ZMAT4: variants seen among roughly 807,000 people sequenced by gnomAD.
The protein encoded by ZMAT4 is zinc finger matrin-type 4.
Under a neutral mutation model 28.7 loss-of-function variants are expected in ZMAT4, and 17 were observed. The observed-to-expected ratio is 0.59, with a 90% confidence interval of 0.41 to 0.89. ZMAT4 has a LOEUF of 0.89. ZMAT4 is among the 40% of genes least tolerant of loss of function. ZMAT4 has a pLI of 0.00. For synonymous variants in ZMAT4, 117 were observed against 109.2 expected, an observed-to-expected ratio of 1.07 and a Z score of -0.44; for missense variants, 240 against 283.8, an observed-to-expected ratio of 0.85 and a Z score of 1.11.
At chr8:40,707,723 T>C (rs1810424905) in intron 3 of ZMAT4, among the ~76,000 whole-genome samples, 1 of 152,222 alleles carries the variant, frequency 6.6e-6, no homozygotes, top group Non-Finnish European at 1.5e-5. Flanking sequence ...ACATATTATC[T>C]CATTTCATTT....
intron 1 of ZMAT4, among the ~76,000 whole-genome samples, chr8:40,847,022 C>A (rs1395649609): frequency 6.6e-6 from 1 of 152,050 alleles, no homozygotes; most frequent in Non-Finnish European, 1.5e-5. Context: ...GCCTAGCCAA[C>A]ATGGTGAAAT....
chr8:40,881,433 G>GAGAAAGAAAGAAAGAAAGAAAGAA (rs35018481), intron 1 of ZMAT4, among the ~76,000 whole-genome samples: 76 of 70,316 alleles, frequency 1.1e-3, no homozygotes, highest in South Asian at 1.4e-3. Context: ...AGAAGAAAGA[G>GAGAAAGAAAGAAAGAAAGAAAGAA]AGAAAGAAAG....
chr8:40,538,580 A>T (rs1438300182), intron 6 of ZMAT4, among the ~76,000 whole-genome samples: 1 of 152,100 alleles, frequency 6.6e-6, no homozygotes, highest in East Asian at 1.9e-4. Flanking sequence ...CGACGACAAC[A>T]TATTAGCCTC....
chr8:40,556,694 T>A (rs1294052799), intron 6 of ZMAT4, among the ~76,000 whole-genome samples: 1 of 152,216 alleles, frequency 6.6e-6, no homozygotes, highest in African/African-American at 2.4e-5. Flanking sequence ...ACATGTAGAA[T>A]ACTTTAATTG....
intron 5 of ZMAT4, among the ~76,000 whole-genome samples, chr8:40,632,701 C>A (rs1312728464): frequency 6.6e-6 from 1 of 152,184 alleles, no homozygotes; most frequent in Non-Finnish European, 1.5e-5. Context: ...CTGCCAACAC[C>A]TGGATTTCTG....
chr8:40,801,528 G>A (rs896723215), intron 2 of ZMAT4, among the ~76,000 whole-genome samples: 3 of 151,536 alleles, frequency 2.0e-5, no homozygotes, highest in African/African-American at 7.3e-5. Context: ...AAATTAACTG[G>A]GTGAGGTGGT....
At chr8:40,850,278 A>G (rs1368601355) in intron 1 of ZMAT4, among the ~76,000 whole-genome samples, 6 of 151,494 alleles carry the variant, frequency 4.0e-5, no homozygotes, top group Admixed American at 2.0e-4. Flanking sequence ...GCCCCACCCA[A>G]TCTGCACCCT....
intron 5 of ZMAT4, among the ~76,000 whole-genome samples, chr8:40,607,860 C>A (rs1805653432): frequency 6.6e-6 from 1 of 152,088 alleles, no homozygotes; most frequent in Non-Finnish European, 1.5e-5. Context: ...GGTGTGTCTG[C>A]AAAGAGTCCT....
intron 5 of ZMAT4, among the ~76,000 whole-genome samples, chr8:40,659,858 G>A (rs566072719): frequency 2.0e-5 from 3 of 152,264 alleles, no homozygotes; most frequent in African/African-American, 7.2e-5. Flanking sequence ...AATCCACTAC[G>A]CTGAACCTTA....
intron 6 of ZMAT4, among the ~76,000 whole-genome samples, chr8:40,535,864 C>T (rs1423195793): frequency 3.3e-5 from 5 of 152,110 alleles, no homozygotes; most frequent in Admixed American, 3.3e-4. Context: ...CATCCTTAGC[C>T]ATGATGAAGC....
chr8:40,691,562 C>T (rs746773617), intron 4 of ZMAT4, among the ~76,000 whole-genome samples: 3 of 152,062 alleles, frequency 2.0e-5, no homozygotes, highest in Non-Finnish European at 2.9e-5. Flanking sequence ...CCAAAAGTGC[C>T]AGGAGAATTA....
intron 2 of ZMAT4, among the ~76,000 whole-genome samples, chr8:40,800,189 G>T (rs1814777695): frequency 6.6e-6 from 1 of 152,164 alleles, no homozygotes; most frequent in Non-Finnish European, 1.5e-5. Flanking sequence ...TCTCCAAGAA[G>T]ACATAACAAT....
chr8:40,537,531 C>T (rs1802885409), intron 6 of ZMAT4, among the ~76,000 whole-genome samples: 1 of 152,092 alleles, frequency 6.6e-6, no homozygotes, highest in African/African-American at 2.4e-5. Context: ...AATTGACTTA[C>T]CAAAACACCT....
chr8:40,766,902 C>T (rs567085161), intron 3 of ZMAT4, among the ~76,000 whole-genome samples: 59 of 152,314 alleles, frequency 3.9e-4, no homozygotes, highest in East Asian at 1.2e-3. Flanking sequence ...ATAAATTCTA[C>T]GCCTGCAGCC....
intron 1 of ZMAT4, among the ~76,000 whole-genome samples, chr8:40,890,266 G>A (rs1818622451): frequency 6.6e-6 from 1 of 152,144 alleles, no homozygotes; most frequent in African/African-American, 2.4e-5. Context: ...CTCCACTGAA[G>A]CATTAATTTA....
chr8:40,673,384 G>C (rs903441451), intron 5 of ZMAT4, among the ~76,000 whole-genome samples: 4 of 152,030 alleles, frequency 2.6e-5, no homozygotes, highest in African/African-American at 9.7e-5. Flanking sequence ...CCCCTTACAG[G>C]TTCACAGCCA....
chr8:40,858,780 T>C (rs774629711), intron 1 of ZMAT4, among the ~76,000 whole-genome samples: 10 of 152,060 alleles, frequency 6.6e-5, no homozygotes, highest in Non-Finnish European at 1.5e-4. Context: ...CCTCTCCTCT[T>C]CTCCACCGTG....
At chr8:40,733,096 G>A (rs984921543) in intron 3 of ZMAT4, among the ~76,000 whole-genome samples, 5 of 151,852 alleles carry the variant, frequency 3.3e-5, no homozygotes, top group African/African-American at 1.2e-4. Context: ...CCTGCCTCCT[G>A]AGTAGCTGGG....
intron 2 of ZMAT4, among the ~76,000 whole-genome samples, chr8:40,774,352 T>C (rs1813502897): frequency 1.3e-5 from 2 of 152,188 alleles, no homozygotes; most frequent in Non-Finnish European, 2.9e-5. Context: ...GGCAAGGATT[T>C]ACAAAATATA....
Sources: allele counts gnomAD v4.1 joint callset (sites outside exome capture counted in the v4.1 genomes callset), GRCh38; gene constraint gnomAD v4.1.1; transcripts MANE v1.5; gene names NCBI Gene and HGNC (gene_info 2026-07-23, HGNC 2026-07-21).